SPTBN1: variants seen among roughly 807,000 people sequenced by gnomAD.
The protein encoded by SPTBN1 is spectrin beta chain, non-erythrocytic 1.
Under a neutral mutation model 266.4 loss-of-function variants are expected in SPTBN1, and 32 were observed. The ratio of observed to expected loss-of-function variants is 0.12; its 90% CI spans 0.09 to 0.16. The LOEUF is 0.16. Ranked by LOEUF, SPTBN1 falls within the 10% of genes least tolerant of loss-of-function variation. The probability of loss-of-function intolerance (pLI) is 1.00; values close to 1 mark genes in which losing one functional copy is unlikely to be tolerated. For missense variants in SPTBN1, 2,296 were observed against 3,067.1 expected (o/e 0.75, Z 5.94); for synonymous variants, 1,336 against 1,162.2 (o/e 1.15, Z -3.04).
In SPTBN1 at chr2:54,659,230, C is replaced by G. The variant is rs766647948; in HGVS notation, c.6320C>G (p.Thr2107Arg). Residue 2107 changes from threonine to arginine, a missense_variant, in exon 31 of 36, where the codon ACG (threonine) becomes AGG (arginine). Thr to Arg is a moderately conservative substitution (Grantham distance 71). This residue lies in a region of SPTBN1 where 347 missense variants were observed against 368.5 expected (regional missense o/e 0.94). Transcript: ENST00000356805. ...CGGCCGCCTTCTCCCGAGCCGAGCA[C>G]GAAGGTTTCAGAGGAAGCCGAGTCC... ...KRRPPSPEPS[T>R]KVSEEAESQQ... 3 of 1,614,078 alleles carry G rather than the reference C, an allele frequency of 1.9e-6. No homozygotes were observed. Among genetic ancestry groups the G allele is most frequent in the Non-Finnish European group, 2.5e-6 (3 of 1,180,006 alleles).
chr2:54,643,386 G>A lies in SPTBN1; in HGVS notation c.4005+257G>A, dbSNP rs116260670. 2.7e-3 allele frequency among the ~76,000 whole-genome samples: 410 copies of A among 152,286 alleles called. 1 individual carries two copies. Among genetic ancestry groups the A allele is most frequent in the African/African-American group, 9.4e-3 (391 of 41,552 alleles). On this transcript the variant is annotated intron_variant, in intron 19 of 35. Coordinates refer to ENST00000356805, the MANE Select transcript of SPTBN1 (RefSeq NM_003128.3). ...GAATACTAGGCATTTAGTTTCTGTT[G>A]TGCCTCTCATCTGCTGTTGCTGATG... is the stretch of plus-strand genomic sequence containing the variant.
chr2:54,530,353 C>CTTTTTTTTTTTTTTTTTTTT lies in SPTBN1; in HGVS notation c.148+3791_148+3810dup, dbSNP rs549491367. On this transcript the variant is annotated intron_variant, in intron 2 of 35. Coordinates refer to ENST00000356805, the MANE Select transcript of SPTBN1 (RefSeq NM_003128.3). ...TAGGTTATCTGTGAATTGTAAAAAA[C>CTTTTTTTTTTTTTTTTTTTT]TTTTTTTTTTTTTTTTTTTTTTTGA... is the stretch of plus-strand genomic sequence containing the variant. 8.5e-4 allele frequency among the ~76,000 whole-genome samples: 63 copies of CTTTTTTTTTTTTTTTTTTTT among 73,906 alleles called. 16 individuals carry two copies. Among genetic ancestry groups the CTTTTTTTTTTTTTTTTTTTT allele is most frequent in the Non-Finnish European group, 9.3e-4 (39 of 41,790 alleles). The allele number at this position is 73,906 out of a possible 152,430, so 48.5% of individuals were successfully genotyped here.
chr2:54,564,237 A>G (rs1673519739), intron 2 of SPTBN1, among the ~76,000 whole-genome samples: 1 of 152,232 alleles, frequency 6.6e-6, no homozygotes, highest in African/African-American at 2.4e-5. Context: ...CTAGTTATAT[A>G]GAAGAGGAAG....
chr2:54,656,688 G>T (rs1680688087), intron 29 of SPTBN1, among the ~76,000 whole-genome samples: 1 of 152,108 alleles, frequency 6.6e-6, no homozygotes, highest in African/African-American at 2.4e-5. Context: ...CATGTTATGG[G>T]GGTTTACTAG....
At chr2:54,605,157 G>A (rs535496037) in intron 3 of SPTBN1, among the ~76,000 whole-genome samples, 120 of 152,296 alleles carry the variant, frequency 7.9e-4, no homozygotes, top group Non-Finnish European at 1.6e-3. Flanking sequence ...GCTCCATTGT[G>A]TTTAATTCTC....
chr2:54,526,649 C>CA, intron 2 of SPTBN1, 83 bp downstream of exon 2: 2 of 1,472,990 alleles, frequency 1.4e-6, no homozygotes, highest in Non-Finnish European at 1.8e-6. Flanking sequence ...GTTCCCATGA[C>CA]GCTGTCATGT....
intron 2 of SPTBN1, among the ~76,000 whole-genome samples, chr2:54,568,738 G>C (rs536226596): frequency 6.6e-6 from 1 of 152,178 alleles, no homozygotes; most frequent in East Asian, 1.9e-4. Context: ...AAATACCCTG[G>C]GTCAGTTTCT....
At chr2:54,513,847 T>C (rs1466990509) in intron 1 of SPTBN1, among the ~76,000 whole-genome samples, 2 of 152,204 alleles carry the variant, frequency 1.3e-5, no homozygotes, top group East Asian at 1.9e-4. Flanking sequence ...AAAAATATTT[T>C]AGTTGGTTCA....
chr2:54,463,852 C>A (rs1313179912), intron 1 of SPTBN1, among the ~76,000 whole-genome samples: 1 of 152,118 alleles, frequency 6.6e-6, no homozygotes, highest in Non-Finnish European at 1.5e-5. Context: ...AAAGGAAAAT[C>A]TGATTTATAT....
chr2:54,513,790 A>G (rs1669975307), intron 1 of SPTBN1, among the ~76,000 whole-genome samples: 1 of 152,196 alleles, frequency 6.6e-6, no homozygotes. Flanking sequence ...ATGGCCTTGA[A>G]CTGCCATGTA....
intron 1 of SPTBN1, among the ~76,000 whole-genome samples, chr2:54,523,611 G>A (rs907328161): frequency 7.9e-5 from 12 of 152,234 alleles, no homozygotes; most frequent in African/African-American, 2.9e-4. Flanking sequence ...CATGTGGCAT[G>A]TGTGGTTATG....
chr2:54,493,526 A>C (rs1573266487), intron 1 of SPTBN1, among the ~76,000 whole-genome samples: 1 of 152,014 alleles, frequency 6.6e-6, no homozygotes, highest in East Asian at 1.9e-4. Flanking sequence ...GTGCCTCAGC[A>C]GAGTAACTGG....
At chr2:54,532,284 G>A (rs1437179540) in intron 2 of SPTBN1, among the ~76,000 whole-genome samples, 9 of 152,070 alleles carry the variant, frequency 5.9e-5, no homozygotes, top group African/African-American at 1.7e-4. Flanking sequence ...ATGAGACTCC[G>A]TCTCAAAAAT....
chr2:54,635,406 C>T (rs1354498758), intron 17 of SPTBN1, among the ~76,000 whole-genome samples: 1 of 152,242 alleles, frequency 6.6e-6, no homozygotes, highest in Non-Finnish European at 1.5e-5. Flanking sequence ...GCCGTTGTCA[C>T]ACCTGCGCAT....
chr2:54,495,744 T>C (rs1258582326), intron 1 of SPTBN1, among the ~76,000 whole-genome samples: 1 of 152,068 alleles, frequency 6.6e-6, no homozygotes, highest in Non-Finnish European at 1.5e-5. Flanking sequence ...TTGTTTTTAT[T>C]TGATGCATGA....
chr2:54,501,899 G>A (rs1044402859), intron 1 of SPTBN1, among the ~76,000 whole-genome samples: 2 of 152,156 alleles, frequency 1.3e-5, no homozygotes, highest in African/African-American at 4.8e-5. Flanking sequence ...AGAAAAGCTC[G>A]ATCACGTTTT....
chr2:54,647,289 C>T, intron 24 of SPTBN1, 28 bp downstream of exon 24: 5 of 1,610,430 alleles, frequency 3.1e-6, no homozygotes, highest in Non-Finnish European at 3.4e-6. Flanking sequence ...AGTGTGAGAC[C>T]CGGCTCTCGA....
chr2:54,560,547 A>G (rs1294647679), intron 2 of SPTBN1, among the ~76,000 whole-genome samples: 1 of 152,168 alleles, frequency 6.6e-6, no homozygotes, highest in Non-Finnish European at 1.5e-5. Flanking sequence ...TGGACAACGT[A>G]AAGTTTAAAT....
At chr2:54,538,402 T>TA (rs1323575425) in intron 2 of SPTBN1, among the ~76,000 whole-genome samples, 1 of 152,194 alleles carries the variant, frequency 6.6e-6, no homozygotes, top group African/African-American at 2.4e-5. Flanking sequence ...TCTTTAGCAG[T>TA]ACAGTGATAT....
Sources: allele counts gnomAD v4.1 joint callset (sites outside exome capture counted in the v4.1 genomes callset), GRCh38; gene constraint gnomAD v4.1.1; regional missense constraint gnomAD v4.1.1; transcripts MANE v1.5; gene names NCBI Gene and HGNC (gene_info 2026-07-23, HGNC 2026-07-21).